Variants in SNX6 observed in about 807,000 individuals in gnomAD.
SNX6 encodes sorting nexin 6.
A neutral mutation model predicts 63.0 loss-of-function variants in SNX6; 34 were observed. The observed-to-expected ratio is 0.54, with a 90% CI of 0.41 to 0.72. The LOEUF (loss-of-function observed/expected upper bound fraction) is 0.72. SNX6 is among the 30% of genes least tolerant of loss of function. The pLI is 0.00. For synonymous variants in SNX6, 170 were observed against 164.2 expected (o/e 1.04, Z -0.27); for missense variants, 398 against 471.4 (o/e 0.84, Z 1.44).
intron 2 of SNX6, among the ~76,000 whole-genome samples, chr14:34,611,069 T>C (rs1594742696): frequency 6.6e-6 from 1 of 152,140 alleles, no homozygotes; most frequent in Non-Finnish European, 1.5e-5. Flanking sequence ...CTCTGTTCAC[T>C]ACAACCTCTG....
chr14:34,608,848 G>A (rs1024856988), intron 3 of SNX6, among the ~76,000 whole-genome samples: 29 of 151,872 alleles, frequency 1.9e-4, no homozygotes, highest in African/African-American at 3.1e-4. Context: ...GATCAATAAG[G>A]TGAAACCCAT....
intron 9 of SNX6, among the ~76,000 whole-genome samples, chr14:34,585,868 A>G (rs188352169): frequency 5.3e-4 from 81 of 152,112 alleles, no homozygotes; most frequent in African/African-American, 2.0e-3. Context: ...CTGGGATTAC[A>G]GGCATGAGCC....
intron 8 of SNX6, among the ~76,000 whole-genome samples, chr14:34,588,907 G>T (rs1255570620): frequency 1.3e-5 from 2 of 152,128 alleles, no homozygotes; most frequent in African/African-American, 2.4e-5. Flanking sequence ...GCTGAGGCAG[G>T]TCGATCACAT....
At position 34,603,571 on chromosome 14, in the gene SNX6, G is replaced by A. The variant is rs1882906786; in HGVS notation, c.393-100C>T. On this transcript the variant is annotated intron_variant, in intron 5 of 13. Transcript: ENST00000362031. ...AAATACTCTTTGGATTATTCCGAAT[G>A]CAAATCAGAGATACAAAGATATAAT... The A allele has an allele frequency of 4.6e-5, 44 of 949,436 alleles. No individual in the cohort carries two copies. In the South Asian group the frequency reaches 9.8e-4, roughly 21 times the overall value. The allele number at this position is 949,436 out of a possible 1,614,324, so 58.8% of individuals were successfully genotyped here.
chr14:34,629,701 C>T (rs891135673), intron 2 of SNX6: 3 of 839,470 alleles, frequency 3.6e-6, no homozygotes, highest in Non-Finnish European at 5.7e-6. Flanking sequence ...AGAAAGCGGC[C>T]GCGGGTCCCC....
intron 11 of SNX6, among the ~76,000 whole-genome samples, chr14:34,574,722 T>A (rs986254030): frequency 6.6e-6 from 1 of 151,602 alleles, no homozygotes; most frequent in African/African-American, 2.4e-5. Context: ...ATATACCAAA[T>A]TCATTTTTTT....
intron 2 of SNX6, among the ~76,000 whole-genome samples, chr14:34,615,876 A>G (rs1421017770): frequency 6.6e-6 from 1 of 152,194 alleles, no homozygotes. Flanking sequence ...ATAAAATATC[A>G]CTGAAAAGTT....
intron 2 of SNX6, among the ~76,000 whole-genome samples, chr14:34,625,557 A>T (rs1180737782): frequency 5.3e-5 from 8 of 151,868 alleles, no homozygotes. Context: ...ACATGGTGTA[A>T]CCCTGTCTCT....
At chr14:34,627,344 G>A (rs754622128) in intron 2 of SNX6, among the ~76,000 whole-genome samples, 6 of 152,202 alleles carry the variant, frequency 3.9e-5, no homozygotes, top group Non-Finnish European at 8.8e-5. Flanking sequence ...CTACTCAGGA[G>A]GCTGAGGCAG....
At chr14:34,586,454 C>A in intron 8 of SNX6, 149 bp from the exon 9 acceptor site, 1 of 423,720 alleles carries the variant, frequency 2.4e-6, no homozygotes, top group South Asian at 3.0e-5. Flanking sequence ...TGCCTGTAAT[C>A]CCAACACTTT....
intron 2 of SNX6, among the ~76,000 whole-genome samples, chr14:34,625,743 T>TAA (rs1175939381): frequency 1.3e-5 from 2 of 149,726 alleles, no homozygotes; most frequent in African/African-American, 4.9e-5. Flanking sequence ...AAAAAAAATT[T>TAA]AAAAAAAAAA....
rs189706251 is a variant in SNX6, at chr14:34,597,823, T to C, written c.517-178A>G. ...TTTAGGGCATAAAAAAGGAGTTTGG[T>C]AATAATATAGATATTCAGGACTCAC... On this transcript the variant is annotated intron_variant, in intron 6 of 13. Transcript: ENST00000362031. Among the ~76,000 whole-genome samples, 966 of 152,302 alleles carry C rather than the reference T, an allele frequency of 6.3e-3. 3 individuals carry two copies. The highest frequency in any genetic ancestry group is 0.01 in the Middle Eastern group (3 of 294).
At position 34,568,061 on chromosome 14, in the gene SNX6, G is replaced by A. The variant is rs574728160; in HGVS notation, c.922-48C>T. On this transcript the variant is annotated intron_variant, in intron 11 of 13. Coordinates refer to ENST00000362031, the MANE Select transcript of SNX6 (RefSeq NM_152233.4). Reference sequence around the variant, plus strand: ...ATAGTATATATACTGCATGTTTCCAGTAGTCACACCCAGCCACCACTGTCA... The same window carrying A: ...ATAGTATATATACTGCATGTTTCCAATAGTCACACCCAGCCACCACTGTCA... The A allele has an allele frequency of 8.5e-6, 13 of 1,535,580 alleles. No individual in the cohort carries two copies. The African/African-American group carries it at 1.5e-4, about 18-fold the overall frequency.
chr14:34,592,684 T>C (rs973229001), intron 8 of SNX6, among the ~76,000 whole-genome samples: 1 of 152,106 alleles, frequency 6.6e-6, no homozygotes, highest in African/African-American at 2.4e-5. Flanking sequence ...CCACCTTAGC[T>C]TTCCTAGTAG....
At chr14:34,602,090 G>A (rs1882838105) in intron 6 of SNX6, among the ~76,000 whole-genome samples, 1 of 150,366 alleles carries the variant, frequency 6.7e-6, no homozygotes, top group Non-Finnish European at 1.5e-5. Flanking sequence ...AGGAGTTCGA[G>A]ACCAGCCTGG....
At chr14:34,568,144 ATTTT>A (rs35123961) in intron 11 of SNX6, 131 bp from the exon 12 acceptor site, 125 of 457,004 alleles carry the variant, frequency 2.7e-4, no homozygotes, top group Middle Eastern at 6.5e-4. Flanking sequence ...AGTTACTCCA[ATTTT>A]TTTTTTTTTT....
chr14:34,576,298 A>G (rs916313532), intron 10 of SNX6, among the ~76,000 whole-genome samples: 4 of 151,882 alleles, frequency 2.6e-5, no homozygotes, highest in Non-Finnish European at 1.5e-5. Context: ...TGAAGTTTTA[A>G]CTATAGTATC....
intron 4 of SNX6, among the ~76,000 whole-genome samples, chr14:34,606,789 T>C (rs1449982228): frequency 2.6e-5 from 4 of 151,520 alleles, no homozygotes; most frequent in Admixed American, 2.6e-4. Flanking sequence ...TTTTTCTTTT[T>C]CTTTTTTGAG....
chr14:34,604,857 C>CAA (rs10630883), intron 5 of SNX6, among the ~76,000 whole-genome samples: 120,277 of 148,434 alleles, frequency 0.81, 49,177 homozygotes, highest in Non-Finnish European at 0.87. Context: ...GCAAATACTC[C>CAA]AAAAAAAAAA....
Sources: allele counts gnomAD v4.1 joint callset (sites outside exome capture counted in the v4.1 genomes callset), GRCh38; gene constraint gnomAD v4.1.1; transcripts MANE v1.5; gene names NCBI Gene and HGNC (gene_info 2026-07-23, HGNC 2026-07-21).